The following TMTC3 variants were observed in gnomAD, a reference collection of about 807,000 sequenced individuals.
TMTC3 encodes protein O-mannosyl-transferase TMTC3.
A neutral mutation model predicts 92.2 loss-of-function variants in TMTC3; 52 were observed. That is an observed-to-expected ratio of 0.56 (90% CI 0.45 to 0.71). TMTC3 has a LOEUF of 0.71. Ranked by LOEUF, TMTC3 falls within the 30% of genes least tolerant of loss-of-function variation. The probability of loss-of-function intolerance (pLI) is 0.00; values close to 1 mark genes in which losing one functional copy is unlikely to be tolerated. For synonymous variants in TMTC3, 339 were observed against 363.3 expected (o/e 0.93, Z 0.76); for missense variants, 896 against 1,057.1 (o/e 0.85, Z 2.11).
intron 2 of TMTC3, among the ~76,000 whole-genome samples, chr12:88,152,641 A>G (rs1348068270): frequency 1.3e-5 from 2 of 152,196 alleles, no homozygotes; most frequent in Non-Finnish European, 1.5e-5. Context: ...ATTTAAAAAG[A>G]GATTCAGTAC....
chr12:88,150,964 A>G (rs2040935840), intron 2 of TMTC3, among the ~76,000 whole-genome samples: 1 of 152,056 alleles, frequency 6.6e-6, no homozygotes, highest in Non-Finnish European at 1.5e-5. Flanking sequence ...TGCTATAGAT[A>G]TGTGCTGCTC....
intron 6 of TMTC3, among the ~76,000 whole-genome samples, chr12:88,165,470 TG>T (rs2041133254): frequency 1.3e-5 from 2 of 152,084 alleles, no homozygotes; most frequent in South Asian, 4.1e-4. Context: ...TGATATTATT[TG>T]TTCAAATAGT....
intron 4 of TMTC3, among the ~76,000 whole-genome samples, chr12:88,155,090 G>A (rs1456924235): frequency 6.6e-6 from 1 of 152,172 alleles, no homozygotes; most frequent in Admixed American, 6.5e-5. Flanking sequence ...CATCTTAAGA[G>A]TGTTCTGGAT....
chr12:88,182,103 G>A (rs1361117161), intron 10 of TMTC3, among the ~76,000 whole-genome samples: 1 of 152,192 alleles, frequency 6.6e-6, no homozygotes, highest in African/African-American at 2.4e-5. Context: ...GAAACTGATT[G>A]CATCATCTGC....
At chr12:88,194,586 C>T (rs942642755) in intron 13 of TMTC3, among the ~76,000 whole-genome samples, 2 of 152,086 alleles carry the variant, frequency 1.3e-5, no homozygotes, top group Non-Finnish European at 2.9e-5. Flanking sequence ...TTATAAGAGA[C>T]ATTTCTCTCC....
chr12:88,195,609 A>C lies in TMTC3; in HGVS notation c.2705A>C (p.Lys902Thr). The C allele has an allele frequency of 6.2e-7, 1 of 1,602,466 alleles. No individual in the cohort carries two copies. The highest frequency in any genetic ancestry group is 8.5e-7 in the Non-Finnish European group (1 of 1,177,062). Reference sequence around the variant, plus strand: ...GAGAAGAAAAGAGTTGCTGCTTTAAAAAGACTAGAAGAGATTGAACGTATT... The same window carrying C: ...GAGAAGAAAAGAGTTGCTGCTTTAACAAGACTAGAAGAGATTGAACGTATT... Reference protein sequence around the residue: ...EIEKKRVAALKRLEEIERILN... With the variant: ...EIEKKRVAALTRLEEIERILN... The change falls in exon 14 of 14, where the codon AAA becomes ACA. Residue 902 changes from lysine to threonine, a missense_variant. Transcript: ENST00000266712.
At chr12:88,156,747 A>G (rs1021181176) in intron 4 of TMTC3, among the ~76,000 whole-genome samples, 5 of 151,324 alleles carry the variant, frequency 3.3e-5, no homozygotes, top group African/African-American at 9.7e-5. Flanking sequence ...AATCCCTCAT[A>G]ACACTCACAG....
At chr12:88,169,783 T>G (rs2041184590) in intron 7 of TMTC3, among the ~76,000 whole-genome samples, 1 of 151,568 alleles carries the variant, frequency 6.6e-6, no homozygotes, top group African/African-American at 2.4e-5. Context: ...TAAAAAAAAT[T>G]TTTAAATTAG....
chr12:88,177,875 C>T (rs963527817), intron 10 of TMTC3, among the ~76,000 whole-genome samples: 4 of 152,064 alleles, frequency 2.6e-5, no homozygotes, highest in Non-Finnish European at 5.9e-5. Context: ...TCATCAAGAC[C>T]ACAGTATTCA....
At chr12:88,171,835 GTTTCC>G (rs974347612) in intron 7 of TMTC3, among the ~76,000 whole-genome samples, 2 of 152,022 alleles carry the variant, frequency 1.3e-5, no homozygotes, top group Non-Finnish European at 2.9e-5. Flanking sequence ...GTGTGCAAGT[GTTTCC>G]TTTACGTTCT....
chr12:88,143,788 T>G (rs2040826917), intron 1 of TMTC3, among the ~76,000 whole-genome samples: 1 of 152,174 alleles, frequency 6.6e-6, no homozygotes, highest in Non-Finnish European at 1.5e-5. Flanking sequence ...CAAGAAAGAA[T>G]TGGAGGTGCA....
chr12:88,150,201 A>G (rs1026197884), intron 2 of TMTC3, among the ~76,000 whole-genome samples: 5 of 152,180 alleles, frequency 3.3e-5, no homozygotes, highest in African/African-American at 4.8e-5. Context: ...CAGAAGGGGA[A>G]GCAGGAGCAG....
intron 10 of TMTC3, among the ~76,000 whole-genome samples, chr12:88,183,882 A>C (rs1174754111): frequency 6.6e-6 from 1 of 152,170 alleles, no homozygotes; most frequent in Non-Finnish European, 1.5e-5. Context: ...TTGAGCTGAC[A>C]ACCACTGTCC....
At chr12:88,155,368 T>C (rs191349718) in intron 4 of TMTC3, among the ~76,000 whole-genome samples, 1 of 152,326 alleles carries the variant, frequency 6.6e-6, no homozygotes, top group African/African-American at 2.4e-5. Flanking sequence ...TTGTAACTAA[T>C]ATGGAATTGC....
chr12:88,185,274 A>G (rs1273351536), intron 10 of TMTC3, among the ~76,000 whole-genome samples: 2 of 151,840 alleles, frequency 1.3e-5, no homozygotes, highest in Admixed American at 1.3e-4. Context: ...AAAGCTTTCT[A>G]TCACTACAGA....
Position 88,176,310 on chromosome 12 carries a change from G to T in TMTC3, c.1423G>T (p.Val475Phe). 2 of 1,605,028 alleles carry T rather than the reference G, an allele frequency of 1.2e-6. No individual in the cohort carries two copies. Among genetic ancestry groups the T allele is most frequent in the Non-Finnish European group, 8.5e-7 (1 of 1,175,434 alleles). The stretch of plus-strand genomic sequence containing the variant: ...GAAATACTTCTTACAGGCTACCCAT[G>T]TTCAGCCAGGTAAGCATTATTAACT... ...ALKYFLQATH[V>F]QPDDIGAHMN... Residue 475 changes from valine (V) to phenylalanine (F), a missense_variant, in exon 10 of 14, where the codon GTT becomes TTT. Transcript: ENST00000266712.
intron 10 of TMTC3, among the ~76,000 whole-genome samples, chr12:88,185,978 G>A (rs1455910131): frequency 2.6e-5 from 4 of 152,066 alleles, no homozygotes; most frequent in African/African-American, 9.7e-5. Flanking sequence ...GAAGGATAGA[G>A]AGTTCCTAGG....
chr12:88,185,326 T>C (rs947597453), intron 10 of TMTC3, among the ~76,000 whole-genome samples: 2 of 151,986 alleles, frequency 1.3e-5, no homozygotes, highest in African/African-American at 2.4e-5. Flanking sequence ...GGAATTATAC[T>C]CTATGGACTC....
chr12:88,178,046 C>T (rs946314628), intron 10 of TMTC3, among the ~76,000 whole-genome samples: 3 of 152,090 alleles, frequency 2.0e-5, no homozygotes, highest in African/African-American at 7.2e-5. Flanking sequence ...TACAATCAGA[C>T]ATGAGTATGG....
Sources: gnomAD v4.1 joint callset for allele counts (sites outside exome capture counted in the v4.1 genomes callset) on GRCh38, gnomAD v4.1.1 for gene constraint, MANE v1.5 for transcripts, NCBI Gene and HGNC (gene_info 2026-07-23, HGNC 2026-07-21) for gene names.